Variants in ARID1B observed in about 807,000 individuals in gnomAD.
ARID1B encodes the protein AT-rich interaction domain 1B.
ARID1B carries 30 observed loss-of-function variants against 212.3 expected under a neutral mutation model. The observed-to-expected ratio is 0.14, with a 90% CI of 0.11 to 0.19. The LOEUF (loss-of-function observed/expected upper bound fraction) is 0.19. Ranked by LOEUF, ARID1B falls within the 10% of genes least tolerant of loss-of-function variation. The pLI is 1.00. For missense variants in ARID1B, 2,891 were observed against 3,204.0 expected (o/e 0.90, Z 2.36); for synonymous variants, 1,402 against 1,301.7 (o/e 1.08, Z -1.66).
At chr6:157,163,748 C>T (rs148184980) in intron 8 of ARID1B, among the ~76,000 whole-genome samples, 93 of 152,372 alleles carry the variant, frequency 6.1e-4, no homozygotes, top group African/African-American at 1.8e-3. Flanking sequence ...AGTTTACACC[C>T]TCTGGTTTGT....
intron 1 of ARID1B, among the ~76,000 whole-genome samples, chr6:156,791,256 TG>T (rs1485691575): frequency 6.6e-6 from 1 of 152,246 alleles, no homozygotes; most frequent in Non-Finnish European, 1.5e-5. Flanking sequence ...TGTACTAGCA[TG>T]GCTAAACTGG....
chr6:157,046,909 G>A (rs1782277813), intron 4 of ARID1B, among the ~76,000 whole-genome samples: 1 of 152,136 alleles, frequency 6.6e-6, no homozygotes, highest in Admixed American at 6.5e-5. Flanking sequence ...GGGAGGGAAA[G>A]TGACTTATTT....
intron 6 of ARID1B, among the ~76,000 whole-genome samples, chr6:157,118,485 T>C (rs1329666957): frequency 1.3e-5 from 2 of 152,254 alleles, no homozygotes; most frequent in African/African-American, 4.8e-5. Context: ...CACCCCCAGA[T>C]GCAATTAACT....
At chr6:156,799,032 A>G (rs1780590808) in intron 1 of ARID1B, among the ~76,000 whole-genome samples, 1 of 152,206 alleles carries the variant, frequency 6.6e-6, no homozygotes, top group Non-Finnish European at 1.5e-5. Flanking sequence ...TTATAAAAAA[A>G]CCACTCTTTA....
Position 156,806,207 on chromosome 6 carries a change from T to C in ARID1B, c.1792-23020T>C, listed in dbSNP as rs556332520. Among the ~76,000 whole-genome samples, 4 of 152,294 alleles carry C rather than the reference T, an allele frequency of 2.6e-5. No individual in the cohort carries two copies. The South Asian group carries it at 8.3e-4, about 32-fold the overall frequency. ...GTGCGTTGCCCAGGTCCTCAATAAG[T>C]GATAAACTCACGTTCAGCACATTCA... On this transcript the variant is annotated intron_variant, in intron 1 of 19. Coordinates refer to ENST00000636930, the MANE Select transcript of ARID1B (RefSeq NM_001374828.1).
intron 5 of ARID1B, among the ~76,000 whole-genome samples, chr6:157,096,908 A>T (rs1447430175): frequency 6.6e-6 from 1 of 152,256 alleles, no homozygotes; most frequent in Non-Finnish European, 1.5e-5. Context: ...TCATGGTGTG[A>T]ATTGTGATAG....
intron 1 of ARID1B, among the ~76,000 whole-genome samples, chr6:156,784,650 T>G (rs914167605): frequency 6.6e-6 from 1 of 152,212 alleles, no homozygotes; most frequent in East Asian, 1.9e-4. Flanking sequence ...AGTGAGTGAA[T>G]TTTTTCAGAG....
At chr6:156,920,879 A>C (rs1279424179) in intron 3 of ARID1B, among the ~76,000 whole-genome samples, 1 of 149,468 alleles carries the variant, frequency 6.7e-6, no homozygotes, top group Non-Finnish European at 1.5e-5. Context: ...TTTTTGACAG[A>C]GTTTCACTCT....
intron 2 of ARID1B, among the ~76,000 whole-genome samples, chr6:156,894,523 A>C (rs1222272387): frequency 1.3e-5 from 2 of 152,232 alleles, no homozygotes; most frequent in Admixed American, 6.5e-5. Flanking sequence ...ATGGAAGATA[A>C]GGAGAAAGGT....
In ARID1B at chr6:157,084,923, A is replaced by T. The variant is rs571524147; in HGVS notation, c.2491+18A>T. 2 of 1,587,778 alleles carry T rather than the reference A, an allele frequency of 1.3e-6. No individual in the cohort carries two copies. Among genetic ancestry groups the T allele is most frequent in the East Asian group, 4.5e-5 (2 of 44,574 alleles). On this transcript the variant is annotated intron_variant, in intron 5 of 19. Coordinates refer to ENST00000636930, the MANE Select transcript of ARID1B (RefSeq NM_001374828.1). ...TATCCCAGGTATTTACTTTCCTGAC[A>T]ATTATTATTTTACTTTGTGATAAAG...
intron 1 of ARID1B, among the ~76,000 whole-genome samples, chr6:156,788,285 T>G (rs1269621301): frequency 6.6e-6 from 1 of 152,194 alleles, no homozygotes; most frequent in Admixed American, 6.5e-5. Flanking sequence ...GATTTTTGCA[T>G]TCCACTGTAG....
At chr6:157,084,133 A>G (rs975563739) in intron 4 of ARID1B, among the ~76,000 whole-genome samples, 2 of 106,242 alleles carry the variant, frequency 1.9e-5, no homozygotes, top group Non-Finnish European at 3.8e-5. Context: ...AGACTTCATC[A>G]CCTCCCCCCC....
intron 2 of ARID1B, among the ~76,000 whole-genome samples, chr6:156,846,132 T>C (rs1360039930): frequency 2.0e-5 from 3 of 146,778 alleles, no homozygotes; most frequent in Non-Finnish European, 3.0e-5. Flanking sequence ...ATACGGTCTT[T>C]CTGGTTGGAG....
At chr6:157,036,863 C>T in intron 4 of ARID1B, 1 of 501,340 alleles carries the variant, frequency 2.0e-6, no homozygotes, top group South Asian at 1.5e-5. Context: ...GAGGATGCAG[C>T]CTTTGGACTC....
intron 4 of ARID1B, among the ~76,000 whole-genome samples, chr6:157,084,140 C>T (rs906774724): frequency 6.7e-6 from 1 of 149,076 alleles, no homozygotes; most frequent in Admixed American, 6.6e-5. Flanking sequence ...ATCACCTCCC[C>T]CCCAAAAAAA....
chr6:156,810,783 AGGTCTTATGTG>A (rs1410944730), intron 1 of ARID1B, among the ~76,000 whole-genome samples: 1 of 152,214 alleles, frequency 6.6e-6, no homozygotes, highest in African/African-American at 2.4e-5. Flanking sequence ...GCACAGCAGC[AGGTCTTATGTG>A]GGAGGGGCAA....
In ARID1B at chr6:157,161,670, A is replaced by G. The variant is rs185365321; in HGVS notation, c.3090-5370A>G. Among the ~76,000 whole-genome samples the G allele has an allele frequency of 8.0e-3, 1,220 of 152,240 alleles. 17 individuals are homozygous for G. The highest frequency in any genetic ancestry group is 0.028 in the African/African-American group (1,161 of 41,518). ...ATCCTGTGTAATGTTAATGTATGCAATTGGATCTCTCCAGAGGAATAAAGT... is the reference window on the plus strand; with the variant it reads ...ATCCTGTGTAATGTTAATGTATGCAGTTGGATCTCTCCAGAGGAATAAAGT... On this transcript the variant is annotated intron_variant, in intron 8 of 19. Coordinates refer to ENST00000636930, the MANE Select transcript of ARID1B (RefSeq NM_001374828.1).
intron 4 of ARID1B, among the ~76,000 whole-genome samples, chr6:156,967,321 T>A (rs1047338994): frequency 4.6e-5 from 7 of 152,216 alleles, no homozygotes; most frequent in Admixed American, 1.3e-4. Context: ...ACATGCAGTC[T>A]TTTCAGATAA....
intron 2 of ARID1B, among the ~76,000 whole-genome samples, chr6:156,895,474 C>G (rs1788303757): frequency 6.6e-6 from 1 of 152,160 alleles, no homozygotes; most frequent in Non-Finnish European, 1.5e-5. Context: ...ATTGGAGCAC[C>G]TGGTCTTGTA....
Sources: allele counts gnomAD v4.1 joint callset (sites outside exome capture counted in the v4.1 genomes callset), GRCh38; gene constraint gnomAD v4.1.1; transcripts MANE v1.5; gene names NCBI Gene and HGNC (gene_info 2026-07-23, HGNC 2026-07-21).